The following PHKB variants were observed in gnomAD, a reference collection of about 807,000 sequenced individuals.
PHKB encodes the protein phosphorylase b kinase regulatory subunit beta.
In PHKB, 122 loss-of-function variants were observed where a neutral mutation model predicts 152.1. That is an observed-to-expected ratio of 0.80 (90% CI 0.69 to 0.93). The LOEUF (loss-of-function observed/expected upper bound fraction) is 0.93, where lower values mean the gene tolerates loss of function less well. Among genes scored for constraint, PHKB ranks in the 40% least tolerant of loss-of-function variants. The probability of loss-of-function intolerance (pLI) is 0.00; values close to 1 mark genes in which losing one functional copy is unlikely to be tolerated. For synonymous variants in PHKB, 436 were observed against 464.9 expected (o/e 0.94, Z 0.80); for missense variants, 1,304 against 1,328.4 (o/e 0.98, Z 0.29).
At chr16:47,622,845 C>T (rs1208574160) in intron 14 of PHKB, among the ~76,000 whole-genome samples, 5 of 152,166 alleles carry the variant, frequency 3.3e-5, no homozygotes, top group Non-Finnish European at 7.4e-5. Flanking sequence ...ACATATAGTA[C>T]ACTTGGTCTC....
intron 7 of PHKB, among the ~76,000 whole-genome samples, chr16:47,578,650 G>A (rs1053878869): frequency 6.6e-6 from 1 of 152,290 alleles, no homozygotes; most frequent in African/African-American, 2.4e-5. Context: ...AGGAGAAAAG[G>A]TGTGACCTCT....
At chr16:47,541,324 G>A (rs1971054470) in intron 6 of PHKB, among the ~76,000 whole-genome samples, 1 of 152,134 alleles carries the variant, frequency 6.6e-6, no homozygotes, top group Non-Finnish European at 1.5e-5. Context: ...AAGGACATGA[G>A]CTCATCCTTT....
intron 4 of PHKB, among the ~76,000 whole-genome samples, chr16:47,509,551 A>G (rs1970474663): frequency 6.6e-6 from 1 of 152,184 alleles, no homozygotes; most frequent in Non-Finnish European, 1.5e-5. Flanking sequence ...GCAATACAGT[A>G]CCCACTAGTG....
intron 1 of PHKB, among the ~76,000 whole-genome samples, chr16:47,473,218 ATTTTTTTTTTTTT>A (rs1043960499): frequency 0.018 from 862 of 48,772 alleles, 7 homozygotes; most frequent in South Asian, 0.042. Context: ...TGCCTGGCTA[ATTTTTTTTTTTTT>A]TTTTTTTTTT....
In PHKB at chr16:47,641,250, G is replaced by T. The variant is rs761244891; in HGVS notation, c.1514+160G>T. ...TCATTAATATCACTTTAAATGACCA[G>T]CATATTCTTTTCGTGTTTAAAAATA... is the stretch of plus-strand genomic sequence containing the variant. On this transcript the variant is annotated intron_variant, in intron 15 of 30. Transcript: ENST00000323584. Among the ~76,000 whole-genome samples the T allele has an allele frequency of 3.9e-5, 6 of 152,166 alleles. No individual in the cohort carries two copies. The East Asian group carries it at 1.2e-3, about 29-fold the overall frequency.
Position 47,650,548 on chromosome 16 carries a change from C to T in PHKB, c.1802C>T (p.Ala601Val), listed in dbSNP as rs192099645. The T allele has an allele frequency of 3.2e-5, 50 of 1,584,886 alleles. No individual in the cohort carries two copies. The highest frequency in any genetic ancestry group is 8.8e-5 in the South Asian group (8 of 90,476). The change falls in exon 19 of 31, where the codon GCG (alanine) becomes GTG (valine). Residue 601 changes from alanine to valine, a missense_variant. Coordinates refer to ENST00000323584, the MANE Select transcript of PHKB (RefSeq NM_000293.3). The part of the protein sequence containing the change: ...VFLLIDDIKN[A>V]LQFIKQYWKM... The stretch of plus-strand genomic sequence containing the variant: ...CTACCTCATTCTGTTTGACAGAATG[C>T]GCTGCAGTTCATTAAACAATATTGG...
At chr16:47,538,256 C>G (rs1970988583) in intron 6 of PHKB, among the ~76,000 whole-genome samples, 1 of 152,120 alleles carries the variant, frequency 6.6e-6, no homozygotes, top group South Asian at 2.1e-4. Context: ...GTTATAAAAT[C>G]TAAATAACTT....
chr16:47,606,677 C>T (rs1438064700), intron 13 of PHKB, among the ~76,000 whole-genome samples: 3 of 152,044 alleles, frequency 2.0e-5, no homozygotes, highest in Non-Finnish European at 4.4e-5. Context: ...ACAACTTGCA[C>T]TCCAAGGAGG....
intron 20 of PHKB, among the ~76,000 whole-genome samples, chr16:47,651,520 G>A (rs1262328699): frequency 6.6e-6 from 1 of 152,080 alleles, no homozygotes; most frequent in Admixed American, 6.5e-5. Context: ...GGGCTTTGAG[G>A]TCTTACCAGA....
intron 26 of PHKB, among the ~76,000 whole-genome samples, chr16:47,687,129 CT>C (rs1457938103): frequency 1.3e-5 from 2 of 152,086 alleles, no homozygotes; most frequent in Non-Finnish European, 2.9e-5. Context: ...TTCAGTATTC[CT>C]TCTGTTATTC....
At chr16:47,506,629 A>G (rs1206875766) in intron 4 of PHKB, among the ~76,000 whole-genome samples, 11 of 152,204 alleles carry the variant, frequency 7.2e-5, no homozygotes, top group Admixed American at 6.5e-4. Context: ...TGTGAAAATC[A>G]AAATCATGAC....
chr16:47,536,964 C>T (rs931547428), intron 6 of PHKB, among the ~76,000 whole-genome samples: 1 of 152,176 alleles, frequency 6.6e-6, no homozygotes, highest in Non-Finnish European at 1.5e-5. Flanking sequence ...ATGAGCAAGA[C>T]TAATGGCCAT....
At chr16:47,522,774 C>A (rs1158870383) in intron 6 of PHKB, among the ~76,000 whole-genome samples, 1 of 151,656 alleles carries the variant, frequency 6.6e-6, no homozygotes, top group African/African-American at 2.4e-5. Flanking sequence ...TGATTTCTCT[C>A]GTGAGTTTTT....
chr16:47,538,499 T>C (rs756179477), intron 6 of PHKB, among the ~76,000 whole-genome samples: 7 of 152,264 alleles, frequency 4.6e-5, no homozygotes, highest in Non-Finnish European at 7.3e-5. Flanking sequence ...CACTCTCTTC[T>C]ATTTCTGTGA....
At chr16:47,606,541 G>T (rs1972327416) in intron 13 of PHKB, among the ~76,000 whole-genome samples, 1 of 152,202 alleles carries the variant, frequency 6.6e-6, no homozygotes, top group Non-Finnish European at 1.5e-5. Context: ...CACTTTAGAA[G>T]TTGGATTTTT....
chr16:47,502,311 G>A (rs1970336827), intron 3 of PHKB, among the ~76,000 whole-genome samples: 1 of 152,046 alleles, frequency 6.6e-6, no homozygotes, highest in African/African-American at 2.4e-5. Context: ...AACCAAACTA[G>A]GTTTGGTTAA....
rs984362891 is a variant in PHKB at position 47,700,175 on chromosome 16, C to A, written c.*809C>A. On this transcript the variant is annotated 3_prime_UTR_variant, in exon 31 of 31. Transcript: ENST00000323584. ...ACCAGCCCAGCCAACATGGTGAAAA[C>A]CCTGTCTCTACTAAAAATACAAAAA... 1 of 151,802 alleles carries A rather than the reference C, an allele frequency of 6.6e-6. No individual in the cohort carries two copies. Among genetic ancestry groups the A allele is most frequent in the Non-Finnish European group, 1.5e-5 (1 of 68,014 alleles). 9.4% of individuals were successfully genotyped at this position (151,802 alleles called of 1,614,324 possible). A position where few individuals can be genotyped will look rare whatever the true frequency, so the allele number is the denominator to read the frequency against.
chr16:47,505,386 AGTGG>A (rs1271759267), intron 4 of PHKB: 1 of 151,646 alleles, frequency 6.6e-6, no homozygotes, highest in Non-Finnish European at 1.5e-5. Flanking sequence ...CGGAAGTCAG[AGTGG>A]GTGGGGGTGG....
chr16:47,517,730 G>T (rs976985857), intron 6 of PHKB, among the ~76,000 whole-genome samples: 17 of 152,040 alleles, frequency 1.1e-4, no homozygotes, highest in Admixed American at 2.6e-4. Context: ...TTTTTGGATA[G>T]TTCCTTACCT....
Sources: allele counts gnomAD v4.1 joint callset (sites outside exome capture counted in the v4.1 genomes callset), GRCh38; gene constraint gnomAD v4.1.1; transcripts MANE v1.5; gene names NCBI Gene and HGNC (gene_info 2026-07-23, HGNC 2026-07-21).